Variants in DCN observed in about 807,000 individuals in gnomAD.
The protein encoded by DCN is decorin.
In DCN, 17 loss-of-function variants were observed where a neutral mutation model predicts 36.5. The observed-to-expected ratio is 0.47, with a 90% CI of 0.32 to 0.70. The LOEUF (loss-of-function observed/expected upper bound fraction) is 0.70. Among genes scored for constraint, DCN ranks in the 30% least tolerant of loss-of-function variants. The probability of loss-of-function intolerance (pLI) is 0.04; values close to 1 mark genes in which losing one functional copy is unlikely to be tolerated. For synonymous variants in DCN, 163 were observed against 161.4 expected, an observed-to-expected ratio of 1.01 and a Z score of -0.07; for missense variants, 389 against 430.1, an observed-to-expected ratio of 0.90 and a Z score of 0.84.
chr12:91,166,011 A>G (rs902384080), intron 2 of DCN, among the ~76,000 whole-genome samples: 22 of 152,316 alleles, frequency 1.4e-4, no homozygotes, highest in Admixed American at 1.2e-3. Context: ...TTATGTAAAC[A>G]TACTTGTAAA....
intron 7 of DCN, among the ~76,000 whole-genome samples, chr12:91,148,832 G>A (rs1381593255): frequency 1.3e-5 from 2 of 150,336 alleles, no homozygotes; most frequent in South Asian, 2.1e-4. Flanking sequence ...GCTGAAAAGC[G>A]AATTAGTAGA....
chr12:91,147,644 A>G (rs1881114196), intron 7 of DCN, among the ~76,000 whole-genome samples: 1 of 152,202 alleles, frequency 6.6e-6, no homozygotes, highest in African/African-American at 2.4e-5. Flanking sequence ...AAAAATATAT[A>G]CACCTTTTAA....
chr12:91,182,556 T>G (rs536123152), intron 1 of DCN, 99 bp downstream of exon 1: 1 of 152,028 alleles, frequency 6.6e-6, no homozygotes, highest in Non-Finnish European at 1.5e-5. Context: ...GTTTTTTTTT[T>G]CCTTTTCTTT....
intron 3 of DCN, among the ~76,000 whole-genome samples, chr12:91,164,133 G>T (rs1011047680): frequency 6.6e-6 from 1 of 151,788 alleles, no homozygotes; most frequent in Non-Finnish European, 1.5e-5. Context: ...ACCAAACACC[G>T]CATATTCTCA....
chr12:91,176,863 G>C lies in DCN; in HGVS notation c.211+1479C>G, dbSNP rs1406252429. ...TTATCCTGTGTATATCCATCAAATG[G>C]TGATTTCTTTGTTCAGATTTTTTTC... is the stretch of plus-strand genomic sequence containing the variant. On this transcript the variant is annotated intron_variant, in intron 2 of 7. Transcript: ENST00000052754. 4 of 152,068 alleles carry C rather than the reference G, an allele frequency of 2.6e-5. No homozygotes were observed. In the East Asian group the frequency reaches 7.7e-4, roughly 29 times the overall value. 9.4% of individuals were successfully genotyped at this position (152,068 alleles called of 1,614,324 possible).
chr12:91,180,015 T>C (rs886110059), intron 1 of DCN, among the ~76,000 whole-genome samples: 2 of 151,926 alleles, frequency 1.3e-5, no homozygotes, highest in Non-Finnish European at 1.5e-5. Flanking sequence ...TAAATAAATC[T>C]GAGTGACAAA....
chr12:91,177,815 A>G, intron 2 of DCN: 1 of 644,104 alleles, frequency 1.6e-6, no homozygotes, highest in Non-Finnish European at 2.8e-6. Flanking sequence ...TTAAGGGAGT[A>G]TTTTGATACT....
At chr12:91,182,118 A>G (rs1399032226) in intron 1 of DCN, among the ~76,000 whole-genome samples, 1 of 152,072 alleles carries the variant, frequency 6.6e-6, no homozygotes, top group Non-Finnish European at 1.5e-5. Context: ...TAACATAAAT[A>G]TTTTCAATGT....
In DCN at chr12:91,150,956, A is replaced by C. The variant is rs577176499; in HGVS notation, c.885+698T>G. 2.6e-5 allele frequency: 4 copies of C among 152,732 alleles called. No individual in the cohort carries two copies. The South Asian group carries it at 8.3e-4, about 32-fold the overall frequency. The allele number at this position is 152,732 out of a possible 1,614,324, so 9.5% of individuals were successfully genotyped here. On this transcript the variant is annotated intron_variant, in intron 7 of 7. Transcript: ENST00000052754. ...ATGTCCTTTACAAGGACATGGATGA[A>C]ACTAGAAGCCATCATCCTCAGCAAA...
chr12:91,166,176 T>C (rs1882556333), intron 2 of DCN, among the ~76,000 whole-genome samples: 1 of 152,170 alleles, frequency 6.6e-6, no homozygotes, highest in South Asian at 2.1e-4. Context: ...TGGAATCTTG[T>C]TCTTAATTCA....
At chr12:91,178,722 A>G in intron 1 of DCN, 137 bp from the exon 2 acceptor site, 1 of 666,826 alleles carries the variant, frequency 1.5e-6, no homozygotes, top group Non-Finnish European at 2.7e-6. Flanking sequence ...GAAGCAGAGC[A>G]TTAAAAATGT....
intron 1 of DCN, chr12:91,179,880 T>C (rs1210273348): frequency 2.6e-5 from 4 of 152,190 alleles, no homozygotes; most frequent in Non-Finnish European, 5.9e-5. Flanking sequence ...GTGATGTATA[T>C]ATGATCTCAT....
intron 3 of DCN, among the ~76,000 whole-genome samples, chr12:91,160,646 A>G (rs1184677079): frequency 1.3e-5 from 2 of 152,124 alleles, no homozygotes; most frequent in Non-Finnish European, 2.9e-5. Context: ...AAGAATAGTT[A>G]TAAGAATTAA....
chr12:91,176,518 G>A (rs1883295806), intron 2 of DCN: 1 of 152,084 alleles, frequency 6.6e-6, no homozygotes, highest in African/African-American at 2.4e-5. Flanking sequence ...TGTTGTTGTT[G>A]TTGTTTCACT....
rs933103313 is a variant in DCN, at chr12:91,145,721, CTTT to C, written c.*334_*336del. 1.5e-5 allele frequency: 6 copies of C among 408,720 alleles called. No homozygotes were observed. The highest frequency in any genetic ancestry group is 1.3e-4 in the African/African-American group (6 of 47,596). 25.3% of individuals were successfully genotyped at this position (408,720 alleles called of 1,614,324 possible). On this transcript the variant is annotated 3_prime_UTR_variant, in exon 8 of 8. Transcript: ENST00000052754. ...CAATGAATTACAGAAGACTCATACT[CTTT>C]TTATTTTTTCCTGGAAATTAAAAAA...
rs1052472399 is a variant in DCN, at chr12:91,144,260, G to A, written c.*1798C>T. On this transcript the variant is annotated 3_prime_UTR_variant, in exon 8 of 8. Coordinates refer to ENST00000052754, the MANE Select transcript of DCN (RefSeq NM_001920.5). ...AAGGTTACAATAAGAAGGGTGAATCGTTAAAGGCTATAGCATGAAGGGTGC... is the reference window on the plus strand; with the variant it reads ...AAGGTTACAATAAGAAGGGTGAATCATTAAAGGCTATAGCATGAAGGGTGC... 4 of 152,140 alleles carry A rather than the reference G, an allele frequency of 2.6e-5. No individual in the cohort carries two copies. The highest frequency in any genetic ancestry group is 4.8e-5 in the African/African-American group (2 of 41,432). 9.4% of individuals were successfully genotyped at this position (152,140 alleles called of 1,614,324 possible).
At chr12:91,160,457 T>A (rs956669984) in intron 3 of DCN, among the ~76,000 whole-genome samples, 4 of 152,058 alleles carry the variant, frequency 2.6e-5, no homozygotes, top group African/African-American at 9.7e-5. Context: ...TACCAAATAT[T>A]GTTCTAAAGG....
chr12:91,159,993 A>T (rs1046295669), intron 3 of DCN, among the ~76,000 whole-genome samples: 3 of 152,162 alleles, frequency 2.0e-5, no homozygotes, highest in Non-Finnish European at 2.9e-5. Context: ...TAGCTGATTA[A>T]TTAATATATG....
intron 1 of DCN, chr12:91,179,525 G>A (rs905644052): frequency 1.3e-5 from 2 of 152,124 alleles, no homozygotes; most frequent in African/African-American, 2.4e-5. Flanking sequence ...TTTGTTTTGC[G>A]TGCTTGGTCT....
Sources: allele counts gnomAD v4.1 joint callset (sites outside exome capture counted in the v4.1 genomes callset), GRCh38; gene constraint gnomAD v4.1.1; transcripts MANE v1.5; gene names NCBI Gene and HGNC (gene_info 2026-07-23, HGNC 2026-07-21).